The following EML6 variants were observed in gnomAD, a reference collection of about 807,000 sequenced individuals.
The protein encoded by EML6 is EMAP like 6, also known as echinoderm microtubule-associated protein-like 6.
In EML6, 154 loss-of-function variants were observed where a neutral mutation model predicts 240.1. The observed-to-expected ratio is 0.64, with a 90% CI of 0.56 to 0.73. EML6 has a LOEUF of 0.73. Among genes scored for constraint, EML6 ranks in the 30% least tolerant of loss-of-function variants. The pLI, the probability that EML6 is intolerant of heterozygous loss-of-function variation, is 0.00. For missense variants in EML6, 2,964 were observed against 2,474.6 expected, an observed-to-expected ratio of 1.20 and a Z score of -4.20; for synonymous variants, 1,148 against 899.0, an observed-to-expected ratio of 1.28 and a Z score of -4.95.
In EML6 at chr2:54,899,718, A is replaced by G; in HGVS notation, c.3060A>G (p.Lys1020=). Reference sequence around the variant, plus strand: ...TCTGTGCAACAGTGAGCGATGATAAAACACTTCGCATCTGGGAACTATCTG... The same window carrying G: ...TCTGTGCAACAGTGAGCGATGATAAGACACTTCGCATCTGGGAACTATCTG... ...LPICATVSDD[K]TLRIWELSAQ... is the part of the protein sequence containing the mutation. The change falls in exon 22 of 42, where the codon AAA becomes AAG. Residue 1020 remains lysine, a synonymous_variant. Transcript: ENST00000356458. The G allele has an allele frequency of 6.4e-7, 1 of 1,552,056 alleles. No homozygotes were observed. The highest frequency in any genetic ancestry group is 2.4e-5 in the East Asian group (1 of 40,986).
chr2:54,790,720 T>G lies in EML6; in HGVS notation c.198-22512T>G, dbSNP rs966966855. On this transcript the variant is annotated intron_variant, in intron 2 of 41. Coordinates refer to ENST00000356458, the MANE Select transcript of EML6 (RefSeq NM_001039753.4). ...GTATAGAGGACATTGGTAACTTAAT[T>G]TTCCTTTTTTTTTTTTTTTTTTTGA... Among the ~76,000 whole-genome samples the G allele has an allele frequency of 5.8e-4, 82 of 140,200 alleles. 1 individual carries two copies. Among genetic ancestry groups the G allele is most frequent in the South Asian group, 2.2e-4 (1 of 4,464 alleles). The allele number at this position is 140,200 out of a possible 152,430, so 92.0% of individuals were successfully genotyped here.
At chr2:54,843,286 G>A (rs1158460010) in intron 7 of EML6, among the ~76,000 whole-genome samples, 3 of 152,098 alleles carry the variant, frequency 2.0e-5, no homozygotes, top group Non-Finnish European at 4.4e-5. Context: ...AACTAGTCTA[G>A]GCATGGTGTT....
intron 2 of EML6, among the ~76,000 whole-genome samples, chr2:54,785,470 A>T (rs1171707705): frequency 6.6e-6 from 1 of 152,150 alleles, no homozygotes; most frequent in Admixed American, 6.5e-5. Context: ...GGTGTGAGCC[A>T]CTGTGCCTGG....
At chr2:54,871,435 T>C (rs764951956) in intron 15 of EML6, 65 bp from the exon 16 acceptor site, 23 of 1,294,254 alleles carry the variant, frequency 1.8e-5, no homozygotes, top group Middle Eastern at 1.8e-4. Flanking sequence ...TGTTGGACTC[T>C]AAGGAACAAA....
chr2:54,894,903 G>C lies in EML6; in HGVS notation c.2743-12G>C, dbSNP rs898827843. ...GATGTGTATATAATACCTCTCATGT[G>C]TGCCTTCACAGGGCTTTGTAACAGG... On this transcript the variant is annotated splice_polypyrimidine_tract_variant and intron_variant, in intron 19 of 41. Transcript: ENST00000356458. 6.5e-7 allele frequency: 1 copy of C among 1,536,324 alleles called. No homozygotes were observed.
intron 38 of EML6, among the ~76,000 whole-genome samples, chr2:54,965,905 T>TG (rs1676727637): frequency 6.6e-6 from 1 of 152,226 alleles, no homozygotes; most frequent in South Asian, 2.1e-4. Flanking sequence ...AGGTCTGCTT[T>TG]GGGAAAGGGC....
At position 54,962,697 on chromosome 2, in the gene EML6, G is replaced by A. The variant is rs1459654852; in HGVS notation, c.5143G>A (p.Asp1715Asn). Residue 1715 changes from aspartate to asparagine, a missense_variant, in exon 36 of 42, where the codon GAC (aspartate) becomes AAC (asparagine). Coordinates refer to ENST00000356458, the MANE Select transcript of EML6 (RefSeq NM_001039753.4). ...CAACGATGGCACAGCCCGGATCTGGGACCTGGCTGACAAGGTGAGGCCGAC... is the reference window on the plus strand; with the variant it reads ...CAACGATGGCACAGCCCGGATCTGGAACCTGGCTGACAAGGTGAGGCCGAC... ...ASNDGTARIWDLADKKLLNKV... is the reference protein window; with the variant it reads ...ASNDGTARIWNLADKKLLNKV... The A allele has an allele frequency of 2.7e-6, 4 of 1,489,628 alleles. No individual in the cohort carries two copies. The allele number at this position is 1,489,628 out of a possible 1,614,324, so 92.3% of individuals were successfully genotyped here. A position where few individuals can be genotyped will look rare whatever the true frequency, so the allele number is the denominator to read the frequency against.
At chr2:54,797,479 T>G (rs1465532033) in intron 2 of EML6, among the ~76,000 whole-genome samples, 1 of 152,140 alleles carries the variant, frequency 6.6e-6, no homozygotes, top group African/African-American at 2.4e-5. Context: ...ATATATCGGA[T>G]GGAGGGTTTG....
rs2104519907 is a variant in EML6, at chr2:54,958,550, G to T, written c.4695+552G>T. On this transcript the variant is annotated intron_variant, in intron 33 of 41. Coordinates refer to ENST00000356458, the MANE Select transcript of EML6 (RefSeq NM_001039753.4). Reference sequence around the variant, plus strand: ...AAGGTAGGACACCCACCCAGGACAGGAGGTTTGTTGTTCTAAAGGCAACCC... The same window carrying T: ...AAGGTAGGACACCCACCCAGGACAGTAGGTTTGTTGTTCTAAAGGCAACCC... Among the ~76,000 whole-genome samples, 3 of 152,200 alleles carry T rather than the reference G, an allele frequency of 2.0e-5. No individual in the cohort carries two copies. In the East Asian group the frequency reaches 5.8e-4, roughly 29 times the overall value.
chr2:54,796,624 G>T (rs896038564), intron 2 of EML6, among the ~76,000 whole-genome samples: 2 of 151,710 alleles, frequency 1.3e-5, no homozygotes, highest in East Asian at 1.9e-4. Context: ...ATACACGAGC[G>T]CACACACACA....
intron 25 of EML6, among the ~76,000 whole-genome samples, chr2:54,913,501 G>T (rs899375804): frequency 6.6e-6 from 1 of 151,996 alleles, no homozygotes; most frequent in Non-Finnish European, 1.5e-5. Context: ...TTTTAATGGG[G>T]TTGTTTTTTG....
chr2:54,742,946 T>C (rs73934813), intron 2 of EML6, among the ~76,000 whole-genome samples: 7,029 of 152,268 alleles, frequency 0.046, 555 homozygotes, highest in African/African-American at 0.16. Context: ...CATCAGCCGA[T>C]TGATATAAAG....
chr2:54,880,547 A>C (rs1671760003), intron 17 of EML6: 1 of 152,252 alleles, frequency 6.6e-6, no homozygotes, highest in South Asian at 2.1e-4. Context: ...CAGCAGATGG[A>C]GGCATGAGGA....
intron 19 of EML6, among the ~76,000 whole-genome samples, chr2:54,893,051 C>T (rs1672561276): frequency 1.3e-5 from 2 of 152,146 alleles, no homozygotes; most frequent in South Asian, 2.1e-4. Context: ...TTGTTCCAGA[C>T]GTCCATTTGC....
At chr2:54,944,147 C>G (rs1479205327) in intron 28 of EML6, among the ~76,000 whole-genome samples, 2 of 152,130 alleles carry the variant, frequency 1.3e-5, no homozygotes, top group Admixed American at 1.3e-4. Flanking sequence ...TATATCCCAC[C>G]CATTGGCTAG....
intron 24 of EML6, among the ~76,000 whole-genome samples, chr2:54,906,680 A>G (rs1361567517): frequency 1.3e-5 from 2 of 152,158 alleles, no homozygotes; most frequent in African/African-American, 2.4e-5. Flanking sequence ...TTAGGGAGGA[A>G]TTACACCATC....
chr2:54,916,878 C>T lies in EML6; in HGVS notation c.3618C>T (p.Ser1206=), dbSNP rs1249663582. ...VNAASLTKDC[S]LLATGDDFGF... is the part of the protein sequence containing the mutation. ...CTGCCAGTCTTACCAAAGACTGTTC[C>T]CTTTTAGCCACCGGAGATGATTTTG... The change falls in exon 26 of 42, where the codon TCC becomes TCT. Residue 1206 remains serine, a synonymous_variant. Transcript: ENST00000356458. The T allele has an allele frequency of 1.3e-6, 2 of 1,549,352 alleles. No homozygotes were observed. Among genetic ancestry groups the T allele is most frequent in the South Asian group, 1.2e-5 (1 of 83,906 alleles).
At chr2:54,865,576 G>A (rs548917926) in intron 13 of EML6, among the ~76,000 whole-genome samples, 6 of 152,264 alleles carry the variant, frequency 3.9e-5, no homozygotes, top group Middle Eastern at 3.4e-3. Flanking sequence ...CCAAAACTTC[G>A]TAAGTACTGG....
At chr2:54,926,429 T>C (rs1287576461) in intron 26 of EML6, among the ~76,000 whole-genome samples, 1 of 152,218 alleles carries the variant, frequency 6.6e-6, no homozygotes, top group Non-Finnish European at 1.5e-5. Flanking sequence ...GGTGCTATCA[T>C]CCATTATTTC....
Sources: allele counts gnomAD v4.1 joint callset (sites outside exome capture counted in the v4.1 genomes callset), GRCh38; gene constraint gnomAD v4.1.1; transcripts MANE v1.5; gene names NCBI Gene and HGNC (gene_info 2026-07-23, HGNC 2026-07-21).